MYO3A: variants seen among roughly 807,000 people sequenced by gnomAD.
MYO3A encodes the protein myosin IIIA, also known as myosin-IIIa.
In MYO3A, 180 loss-of-function variants were observed where a neutral mutation model predicts 192.7. That is an observed-to-expected ratio of 0.93 (90% CI 0.83 to 1.06). The LOEUF (loss-of-function observed/expected upper bound fraction) is 1.06. Among genes scored for constraint, MYO3A ranks in the 50% least tolerant of loss-of-function variants. The pLI is 0.00. For missense variants in MYO3A, 1,896 were observed against 1,905.0 expected, an observed-to-expected ratio of 1.00 and a Z score of 0.09; for synonymous variants, 628 against 645.3, an observed-to-expected ratio of 0.97 and a Z score of 0.41.
chr10:26,207,756 A>ATTTG (rs375617491), intron 34 of MYO3A, among the ~76,000 whole-genome samples: 152,107 of 152,324 alleles, frequency 1, 75,945 homozygotes, highest in Middle Eastern at 1. Flanking sequence ...TGACTACCAA[A>ATTTG]GGGTCTTCTG....
At chr10:25,981,749 G>A (rs574206360) in intron 4 of MYO3A, among the ~76,000 whole-genome samples, 24 of 152,284 alleles carry the variant, frequency 1.6e-4, no homozygotes, top group South Asian at 4.1e-4. Flanking sequence ...ATTTAGAATG[G>A]CTTTAACAGG....
chr10:26,091,815 CTT>C (rs916758215), intron 15 of MYO3A, among the ~76,000 whole-genome samples: 2 of 152,210 alleles, frequency 1.3e-5, no homozygotes, highest in Non-Finnish European at 2.9e-5. Flanking sequence ...AAGCCTCATC[CTT>C]CTGTCTGACT....
At chr10:25,945,864 T>G (rs1027052817) in intron 2 of MYO3A, among the ~76,000 whole-genome samples, 1 of 152,294 alleles carries the variant, frequency 6.6e-6, no homozygotes, top group East Asian at 1.9e-4. Flanking sequence ...TATTTTGTAA[T>G]GACATGTTTT....
chr10:25,981,981 G>A lies in MYO3A; in HGVS notation c.304-14509G>A, dbSNP rs115576777. Among the ~76,000 whole-genome samples, 953 of 152,246 alleles carry A rather than the reference G, an allele frequency of 6.3e-3. 7 individuals are homozygous for A. The highest frequency in any genetic ancestry group is 0.022 in the African/African-American group (907 of 41,552). ...GCTTGCTTTCTCAATGGGGAGGCTC[G>A]TAGTCTGGGGCAAGCTCTCAGCCCT... On this transcript the variant is annotated intron_variant, in intron 4 of 34. Transcript: ENST00000642920.
chr10:26,044,944 C>A (rs1564489610), intron 10 of MYO3A, among the ~76,000 whole-genome samples: 1 of 152,244 alleles, frequency 6.6e-6, no homozygotes, highest in Non-Finnish European at 1.5e-5. Context: ...AAGGGCATGG[C>A]ATGCCTGGTG....
chr10:26,160,016 G>A (rs1439013112), intron 26 of MYO3A, among the ~76,000 whole-genome samples: 5 of 151,782 alleles, frequency 3.3e-5, no homozygotes, highest in Non-Finnish European at 5.9e-5. Context: ...ATACAAAGGA[G>A]TTTCAAATAT....
intron 10 of MYO3A, among the ~76,000 whole-genome samples, chr10:26,058,167 T>C (rs1185097054): frequency 6.6e-6 from 1 of 152,266 alleles, no homozygotes; most frequent in African/African-American, 2.4e-5. Context: ...TAATTTGCTG[T>C]CAATTAGTGA....
chr10:26,103,255 G>A (rs1837586359), intron 17 of MYO3A, among the ~76,000 whole-genome samples: 1 of 152,202 alleles, frequency 6.6e-6, no homozygotes, highest in African/African-American at 2.4e-5. Context: ...GTATTAGGGT[G>A]GGAGTGTCCC....
intron 6 of MYO3A, among the ~76,000 whole-genome samples, chr10:26,002,626 G>A (rs28568722): frequency 0.021 from 2,813 of 131,574 alleles, 138 homozygotes; most frequent in Middle Eastern, 0.044. Context: ...GGTGGACCAG[G>A]TAATCGGAAT....
intron 31 of MYO3A, among the ~76,000 whole-genome samples, chr10:26,189,227 G>T (rs954938784): frequency 6.6e-6 from 1 of 152,150 alleles, no homozygotes; most frequent in African/African-American, 2.4e-5. Context: ...TTTAAGGACA[G>T]CAGTCACATT....
chr10:26,105,880 C>G (rs1402729052), intron 17 of MYO3A, among the ~76,000 whole-genome samples: 1 of 151,996 alleles, frequency 6.6e-6, no homozygotes, highest in Non-Finnish European at 1.5e-5. Flanking sequence ...TGGAGCACCA[C>G]TTTTCTTTTA....
chr10:26,170,671 AC>A, intron 29 of MYO3A, 132 bp downstream of exon 29: 2 of 947,440 alleles, frequency 2.1e-6, no homozygotes, highest in South Asian at 1.6e-5. Context: ...GTCAGTGAAC[AC>A]CCAGAGGCTA....
At chr10:26,096,814 A>G in intron 17 of MYO3A, 132 bp downstream of exon 17, 1 of 655,498 alleles carries the variant, frequency 1.5e-6, no homozygotes, top group Admixed American at 2.8e-5. Flanking sequence ...ATTATGAAAT[A>G]ACTGGAAATA....
At chr10:26,023,855 T>C (rs1279161545) in intron 8 of MYO3A, among the ~76,000 whole-genome samples, 167 bp from the exon 9 acceptor site, 1 of 152,228 alleles carries the variant, frequency 6.6e-6, no homozygotes, top group Non-Finnish European at 1.5e-5. Context: ...TGTCATTTTG[T>C]ATAAAGAAAG....
At chr10:26,077,110 G>A (rs1835623093) in intron 14 of MYO3A, among the ~76,000 whole-genome samples, 1 of 151,828 alleles carries the variant, frequency 6.6e-6, no homozygotes, top group Non-Finnish European at 1.5e-5. Flanking sequence ...TCACAATACT[G>A]ATTCTACCCA....
chr10:25,984,620 G>C (rs976047995), intron 4 of MYO3A, among the ~76,000 whole-genome samples: 1 of 151,792 alleles, frequency 6.6e-6, no homozygotes, highest in Admixed American at 6.6e-5. Context: ...TAAACTTTTC[G>C]CTCTTTGAAA....
chr10:25,961,698 A>G (rs576196190), intron 4 of MYO3A, among the ~76,000 whole-genome samples: 1 of 152,320 alleles, frequency 6.6e-6, no homozygotes, highest in Admixed American at 6.5e-5. Context: ...ATTGATTTGC[A>G]TATGTAAATT....
chr10:26,041,658 T>C (rs914808644), intron 10 of MYO3A, among the ~76,000 whole-genome samples: 1 of 151,828 alleles, frequency 6.6e-6, no homozygotes, highest in Non-Finnish European at 1.5e-5. Context: ...TATTGTAAGC[T>C]GATAACAACT....
At position 26,117,692 on chromosome 10, in the gene MYO3A, A is replaced by G. The variant is rs574366457; in HGVS notation, c.1777-2984A>G. On this transcript the variant is annotated intron_variant, in intron 17 of 34. Coordinates refer to ENST00000642920, the MANE Select transcript of MYO3A (RefSeq NM_017433.5). ...TGATCTCATTCTTTTCTGTGGCTAC[A>G]TAGTATTCCATGGTGTATATGTCCC... 4.6e-5 allele frequency among the ~76,000 whole-genome samples: 7 copies of G among 152,350 alleles called. No individual in the cohort carries two copies. In the South Asian group the frequency reaches 1.0e-3, roughly 23 times the overall value.
Sources: allele counts gnomAD v4.1 joint callset (sites outside exome capture counted in the v4.1 genomes callset), GRCh38; gene constraint gnomAD v4.1.1; transcripts MANE v1.5; gene names NCBI Gene and HGNC (gene_info 2026-07-23, HGNC 2026-07-21).